CGGBP1: variants seen among roughly 807,000 people sequenced by gnomAD.
CGGBP1 encodes CGG triplet repeat binding protein 1, also known as CGG triplet repeat-binding protein 1.
Under a neutral mutation model 11.4 loss-of-function variants are expected in CGGBP1, and 4 were observed. The observed-to-expected ratio is 0.35, with a 90% CI of 0.17 to 0.80. The LOEUF is 0.80. Ranked by LOEUF, CGGBP1 falls within the 30% of genes least tolerant of loss-of-function variation. The pLI is 0.52. For synonymous variants in CGGBP1, 76 were observed against 74.1 expected (o/e 1.03, Z -0.13); for missense variants, 135 against 202.1 (o/e 0.67, Z 2.01).
At chr3:88,089,406 A>T (rs1249684954) in intron 2 of CGGBP1, among the ~76,000 whole-genome samples, 3 of 151,686 alleles carry the variant, frequency 2.0e-5, no homozygotes, top group Non-Finnish European at 4.4e-5. Context: ...CAGGAGAATC[A>T]CTTGAACCCA....
rs552252294 is a variant in CGGBP1 at position 88,103,981 on chromosome 3, C to T, written c.-229+36989G>A. Among the ~76,000 whole-genome samples the T allele has an allele frequency of 4.6e-5, 7 of 151,966 alleles. No homozygotes were observed. The South Asian group carries it at 1.0e-3, about 23-fold the overall frequency. ...TTTGTCATGTTGGCCCGGCTGGTCT[C>T]GAACTCCTTACCTCAGGCGATCCAC... On this transcript the variant is annotated intron_variant, in intron 2 of 3. Coordinates refer to the CGGBP1 transcript ENST00000462901.
At chr3:88,073,327 AAG>A (rs1248481649) in intron 2 of CGGBP1, among the ~76,000 whole-genome samples, 1 of 152,236 alleles carries the variant, frequency 6.6e-6, no homozygotes, top group African/African-American at 2.4e-5. Context: ...GGTAGATAAT[AAG>A]ATTGGAAAAA....
chr3:88,085,769 T>A (rs542090109), intron 2 of CGGBP1, among the ~76,000 whole-genome samples: 1 of 152,296 alleles, frequency 6.6e-6, no homozygotes, highest in East Asian at 1.9e-4. Flanking sequence ...CTTTTCCCCA[T>A]AGTATGTACA....
intron 2 of CGGBP1, chr3:88,134,914 TAGA>T (rs1215742441): frequency 8.9e-6 from 4 of 447,910 alleles, no homozygotes; most frequent in Non-Finnish European, 1.1e-5. Context: ...CTCATATAGG[TAGA>T]AGAAGTAGTT....
intron 2 of CGGBP1, among the ~76,000 whole-genome samples, chr3:88,084,494 T>C (rs1708239364): frequency 6.6e-6 from 1 of 152,140 alleles, no homozygotes; most frequent in Non-Finnish European, 1.5e-5. Context: ...GACCGCATAG[T>C]TAGTAGTAGT....
At chr3:88,139,179 G>C (rs527460815) in intron 2 of CGGBP1, 1 of 1,417,832 alleles carries the variant, frequency 7.1e-7, no homozygotes. Flanking sequence ...CTCTCTTACA[G>C]ATCAGAGCAC....
At chr3:88,090,442 AAG>A (rs1708571008) in intron 2 of CGGBP1, among the ~76,000 whole-genome samples, 1 of 152,154 alleles carries the variant, frequency 6.6e-6, no homozygotes, top group Non-Finnish European at 1.5e-5. Context: ...TAAGGATATA[AAG>A]AGAAAATATT....
At chr3:88,099,464 T>C (rs1704268751) in intron 2 of CGGBP1, among the ~76,000 whole-genome samples, 1 of 152,110 alleles carries the variant, frequency 6.6e-6, no homozygotes, top group African/African-American at 2.4e-5. Flanking sequence ...TTCACAGAAT[T>C]GGAAAAAACT....
intron 2 of CGGBP1, among the ~76,000 whole-genome samples, chr3:88,106,938 T>A (rs138293883): frequency 6.6e-6 from 1 of 152,304 alleles, no homozygotes; most frequent in African/African-American, 2.4e-5. Flanking sequence ...TGTGGTCTCT[T>A]TTTGGATTTT....
rs1182668270 is a variant in CGGBP1 at position 88,055,071 on chromosome 3, T to C, written c.*402A>G. 1 of 157,338 alleles carries C rather than the reference T, an allele frequency of 6.4e-6. No individual in the cohort carries two copies. Among genetic ancestry groups the C allele is most frequent in the Non-Finnish European group, 1.4e-5 (1 of 71,738 alleles). 9.7% of individuals were successfully genotyped at this position (157,338 alleles called of 1,614,324 possible). ...ATAATTCCTTTAAGTTACTGTTAAG[T>C]GGTGTTGCCTGGCAGCAGCTTCAAT... On this transcript the variant is annotated 3_prime_UTR_variant, in exon 4 of 4. Transcript: ENST00000482016. This position sits in a 1 kb window ranked among gnomAD's most constrained non-coding sequence, Gnocchi z 4.2.
At chr3:88,111,427 C>T (rs1013485103) in intron 2 of CGGBP1, among the ~76,000 whole-genome samples, 11 of 151,752 alleles carry the variant, frequency 7.2e-5, no homozygotes, top group African/African-American at 2.4e-4. Context: ...CACCTCCATT[C>T]CCATTTACAC....
Position 88,053,670 on chromosome 3 carries a change from A to G in CGGBP1, c.*1803T>C, listed in dbSNP as rs1471058676. On this transcript the variant is annotated 3_prime_UTR_variant, in exon 4 of 4. Coordinates refer to ENST00000482016, the MANE Select transcript of CGGBP1 (RefSeq NM_001008390.2). The stretch of plus-strand genomic sequence containing the variant: ...TTGTGTATCTTTTCGTATTCTGAAA[A>G]TAGTGCTATAAAACTCAATTATTCC... The G allele has an allele frequency of 6.6e-6, 1 of 152,586 alleles. No homozygotes were observed. The highest frequency in any genetic ancestry group is 6.5e-5 in the Admixed American group (1 of 15,280). 9.5% of individuals were successfully genotyped at this position (152,586 alleles called of 1,614,324 possible). A position where few individuals can be genotyped will look rare whatever the true frequency, so the allele number is the denominator to read the frequency against.
At chr3:88,085,663 G>C (rs919095821) in intron 2 of CGGBP1, among the ~76,000 whole-genome samples, 2 of 152,100 alleles carry the variant, frequency 1.3e-5, no homozygotes, top group Non-Finnish European at 2.9e-5. Flanking sequence ...TTATGGTAAG[G>C]AAACTAATGC....
intron 2 of CGGBP1, chr3:88,086,509 CA>C: frequency 1.0e-6 from 1 of 981,786 alleles, no homozygotes; most frequent in Non-Finnish European, 1.4e-6. Flanking sequence ...AGTATTCCCT[CA>C]AAAAGAAATG....
At chr3:88,059,168 C>A, upstream of CGGBP1, 2 of 1,393,256 alleles carry the variant, frequency 1.4e-6, no homozygotes, top group Non-Finnish European at 1.9e-6. Context: ...CGTGGGTGGG[C>A]GGAGCCGGAA....
In CGGBP1 at chr3:88,101,105, CT is replaced by C. The variant is rs201217767; in HGVS notation, c.-229+39864del. On this transcript the variant is annotated intron_variant, in intron 2 of 3. Coordinates refer to the CGGBP1 transcript ENST00000462901. ...CCACTCCTTACCCATTGCTAGTTAT[CT>C]TTTTTTATGTAAAGCTTTATTAAAA... 7.8e-3 allele frequency among the ~76,000 whole-genome samples: 1,184 copies of C among 152,192 alleles called. 22 individuals are homozygous for C. The highest frequency in any genetic ancestry group is 0.027 in the African/African-American group (1,128 of 41,516).
intron 2 of CGGBP1, among the ~76,000 whole-genome samples, chr3:88,098,281 G>T (rs1475915379): frequency 1.3e-5 from 2 of 152,154 alleles, no homozygotes; most frequent in Non-Finnish European, 2.9e-5. Flanking sequence ...ACTAAACCAG[G>T]AAGAAGTTGA....
At chr3:88,071,509 G>A (rs1043784501) in intron 2 of CGGBP1, among the ~76,000 whole-genome samples, 6 of 152,162 alleles carry the variant, frequency 3.9e-5, no homozygotes, top group South Asian at 2.1e-4. Flanking sequence ...GGCTGGGCGC[G>A]GTAGCGGGCG....
At chr3:88,129,593 C>G in intron 2 of CGGBP1, 3 of 1,015,342 alleles carry the variant, frequency 3.0e-6, no homozygotes, top group South Asian at 4.6e-5. Flanking sequence ...AACTAGAAAT[C>G]TAAGCAATTT....
Sources: allele counts gnomAD v4.1 joint callset (sites outside exome capture counted in the v4.1 genomes callset), GRCh38; gene constraint gnomAD v4.1.1; non-coding constraint Gnocchi (gnomAD v3.1); transcripts MANE v1.5; gene names NCBI Gene and HGNC (gene_info 2026-07-23, HGNC 2026-07-21).